The following HTR4 variants were observed in gnomAD, a reference collection of about 807,000 sequenced individuals.
HTR4 encodes 5-hydroxytryptamine (serotonin) receptor 4, G protein-coupled.
In HTR4, 16 loss-of-function variants were observed where a neutral mutation model predicts 36.8. The ratio of observed to expected loss-of-function variants is 0.43; its 90% CI spans 0.29 to 0.66. The LOEUF is 0.66. HTR4 is among the 30% of genes least tolerant of loss of function. The pLI, the probability that HTR4 is intolerant of heterozygous loss-of-function variation, is 0.13. For synonymous variants in HTR4, 189 were observed against 185.1 expected (o/e 1.02, Z -0.17); for missense variants, 438 against 490.9 (o/e 0.89, Z 1.02).
At chr5:148,476,601 G>C (rs1340246318), downstream of HTR4, 5 of 1,506,964 alleles carry the variant, frequency 3.3e-6, no homozygotes, top group South Asian at 4.1e-5. Context: ...TGGAGATGCC[G>C]TAACAATGAA....
In HTR4 at chr5:148,509,879, G is replaced by C. The variant is rs139123374; in HGVS notation, c.653C>G (p.Thr218Arg). The C allele has an allele frequency of 7.4e-6, 12 of 1,613,920 alleles. No individual in the cohort carries two copies. The highest frequency in any genetic ancestry group is 1.0e-5 in the Non-Finnish European group (12 of 1,180,006). The change falls in exon 6 of 7, where the codon ACA becomes AGA. Residue 218 changes from threonine to arginine, a missense_variant. Coordinates refer to ENST00000377888, the MANE Select transcript of HTR4 (RefSeq NM_000870.7). ...GATCTGATGGGCATGCTCCTTAGCT[G>C]TGACATAGATGCGGTAATAGGCCAG... is the stretch of plus-strand genomic sequence containing the variant. Reference protein sequence around the residue: ...MVLAYYRIYVTAKEHAHQIQM... With the variant: ...MVLAYYRIYVRAKEHAHQIQM...
chr5:148,606,337 A>G (rs1056096317), intron 2 of HTR4, among the ~76,000 whole-genome samples: 3 of 152,134 alleles, frequency 2.0e-5, no homozygotes, highest in African/African-American at 7.2e-5. Context: ...AGGTGTAAAT[A>G]TGAGGTATAA....
chr5:148,626,709 G>A lies in HTR4; in HGVS notation c.26+10280C>T, dbSNP rs79768751. ...ATCCCTTTGGTCAGAAGAAGGCAGA[G>A]CTTCCACAAAAAGGTAGTTTTCTGG... is the stretch of plus-strand genomic sequence containing the variant. On this transcript the variant is annotated intron_variant, in intron 2 of 6. Coordinates refer to ENST00000377888, the MANE Select transcript of HTR4 (RefSeq NM_000870.7). Among the ~76,000 whole-genome samples, 1,497 of 152,286 alleles carry A rather than the reference G, an allele frequency of 9.8e-3. 16 individuals carry two copies. Among genetic ancestry groups the A allele is most frequent in the African/African-American group, 0.034 (1,410 of 41,550 alleles).
intron 6 of HTR4, among the ~76,000 whole-genome samples, chr5:148,483,945 ATTTATTTAT>A (rs981921679): frequency 1.1e-5 from 1 of 94,960 alleles, no homozygotes; most frequent in African/African-American, 5.1e-5. Context: ...TTATTTATTT[ATTTATTTAT>A]TTATTTATTT....
chr5:148,652,358 A>G (rs1214751072), intron 1 of HTR4, among the ~76,000 whole-genome samples: 1 of 152,136 alleles, frequency 6.6e-6, no homozygotes, highest in African/African-American at 2.4e-5. Flanking sequence ...GATGTAGAGG[A>G]TGGTGGTGTT....
At chr5:148,508,863 A>G (rs900524568) in intron 6 of HTR4, among the ~76,000 whole-genome samples, 1 of 152,056 alleles carries the variant, frequency 6.6e-6, no homozygotes, top group African/African-American at 2.4e-5. Context: ...CCCTATATGA[A>G]TATATTATCT....
intron 4 of HTR4, among the ~76,000 whole-genome samples, chr5:148,530,703 A>G (rs2113811781): frequency 6.6e-6 from 1 of 152,214 alleles, no homozygotes; most frequent in South Asian, 2.1e-4. Flanking sequence ...GCATCCCCAG[A>G]CCCCAGAACC....
intron 2 of HTR4, among the ~76,000 whole-genome samples, chr5:148,569,968 G>T (rs1162135453): frequency 6.6e-6 from 1 of 152,102 alleles, no homozygotes; most frequent in Non-Finnish European, 1.5e-5. Flanking sequence ...AATAAGGAAA[G>T]ACTTTTCCCT....
At chr5:148,462,283 G>A (rs1755295587) in intron 5 of HTR4, among the ~76,000 whole-genome samples, 2 of 152,022 alleles carry the variant, frequency 1.3e-5, no homozygotes, top group African/African-American at 4.8e-5. Flanking sequence ...AAACAGAAAT[G>A]AAGAGAGAGA....
At chr5:148,578,368 C>A (rs1761006717) in intron 2 of HTR4, among the ~76,000 whole-genome samples, 1 of 152,054 alleles carries the variant, frequency 6.6e-6, no homozygotes, top group South Asian at 2.1e-4. Flanking sequence ...CACCACCCAG[C>A]ACCTAGTCCT....
intron 4 of HTR4, among the ~76,000 whole-genome samples, chr5:148,533,531 G>A (rs987692012): frequency 1.3e-5 from 2 of 152,104 alleles, no homozygotes; most frequent in African/African-American, 4.8e-5. Context: ...TGCTCCTTCT[G>A]CAATTAAGGA....
At chr5:148,493,692 AG>A (rs1419307249) in intron 6 of HTR4, among the ~76,000 whole-genome samples, 7 of 152,194 alleles carry the variant, frequency 4.6e-5, no homozygotes, top group Admixed American at 1.3e-4. Context: ...AAAAAAAGAA[AG>A]GCTTTAAATT....
At chr5:148,502,875 C>G (rs577383937) in intron 6 of HTR4, among the ~76,000 whole-genome samples, 45 of 152,222 alleles carry the variant, frequency 3.0e-4, no homozygotes, top group African/African-American at 9.9e-4. Flanking sequence ...ATTCGATCAA[C>G]TGGAAGAAAG....
intron 4 of HTR4, among the ~76,000 whole-genome samples, chr5:148,528,919 A>C (rs1174583086): frequency 3.3e-5 from 5 of 151,546 alleles, no homozygotes; most frequent in African/African-American, 1.2e-4. Context: ...TAATCCGCAC[A>C]ACTATTAGAT....
intron 5 of HTR4, among the ~76,000 whole-genome samples, chr5:148,464,969 C>A (rs1468812116): frequency 6.6e-6 from 1 of 151,950 alleles, no homozygotes; most frequent in Non-Finnish European, 1.5e-5. Flanking sequence ...AGAAGCCAAT[C>A]TGAAAAGTTT....
At chr5:148,570,789 AG>A (rs1462334324) in intron 2 of HTR4, among the ~76,000 whole-genome samples, 6 of 152,228 alleles carry the variant, frequency 3.9e-5, no homozygotes, top group East Asian at 3.9e-4. Flanking sequence ...GGTGTATAAA[AG>A]AGAAGGGACA....
chr5:148,536,344 CA>C (rs1561603843), intron 4 of HTR4, among the ~76,000 whole-genome samples: 4 of 151,920 alleles, frequency 2.6e-5, no homozygotes. Flanking sequence ...GCATAATAAC[CA>C]GCTAACAACA....
At chr5:148,627,401 G>A (rs769678508) in intron 2 of HTR4, among the ~76,000 whole-genome samples, 4 of 151,894 alleles carry the variant, frequency 2.6e-5, no homozygotes, top group Non-Finnish European at 4.4e-5. Context: ...GCTTTTTCTG[G>A]CATTCATCTT....
chr5:148,470,964 C>T (rs1464927724), intron 5 of HTR4, among the ~76,000 whole-genome samples: 2 of 152,322 alleles, frequency 1.3e-5, no homozygotes, highest in African/African-American at 2.4e-5. Context: ...GCTGGGATTA[C>T]AGGCATGAGC....
Sources: allele counts gnomAD v4.1 joint callset (sites outside exome capture counted in the v4.1 genomes callset), GRCh38; gene constraint gnomAD v4.1.1; transcripts MANE v1.5; gene names NCBI Gene and HGNC (gene_info 2026-07-23, HGNC 2026-07-21).